KIAA1217: variants seen among roughly 807,000 people sequenced by gnomAD.
KIAA1217 encodes the protein KIAA1217.
Under a neutral mutation model 163.9 loss-of-function variants are expected in KIAA1217, and 88 were observed. The ratio of observed to expected loss-of-function variants is 0.54; its 90% confidence interval spans 0.45 to 0.64. The LOEUF is 0.64. KIAA1217 is among the 30% of genes least tolerant of loss of function. KIAA1217 has a pLI of 0.00. For synonymous variants in KIAA1217, 903 were observed against 923.1 expected (o/e 0.98, Z 0.39); for missense variants, 2,372 against 2,475.0 (o/e 0.96, Z 0.88).
At chr10:23,858,434 T>C (rs1237140812) in intron 1 of KIAA1217, among the ~76,000 whole-genome samples, 3 of 151,978 alleles carry the variant, frequency 2.0e-5, no homozygotes, top group African/African-American at 4.8e-5. Context: ...ATATATATGC[T>C]GTATATATAT....
intron 2 of KIAA1217, among the ~76,000 whole-genome samples, chr10:24,172,034 T>A (rs930791735): frequency 6.6e-6 from 1 of 152,104 alleles, no homozygotes; most frequent in African/African-American, 2.4e-5. Flanking sequence ...ACATGGCAAA[T>A]GGCTTGACAG....
chr10:24,193,331 G>A lies in KIAA1217; in HGVS notation c.-170-26295G>A, dbSNP rs191759387. Reference sequence around the variant, plus strand: ...TTATAGGAGTCCTGCGGACTTATCTGGAGAGAAAATTTGCTATGAAGCAAC... The same window carrying A: ...TTATAGGAGTCCTGCGGACTTATCTAGAGAGAAAATTTGCTATGAAGCAAC... On this transcript the variant is annotated intron_variant, in intron 2 of 18. Coordinates refer to the KIAA1217 transcript ENST00000376462. Among the ~76,000 whole-genome samples the A allele has an allele frequency of 4.6e-5, 7 of 152,306 alleles. No individual in the cohort carries two copies. In the East Asian group the frequency reaches 1.4e-3, roughly 29 times the overall value.
chr10:24,448,102 C>T (rs2061095859), intron 5 of KIAA1217, among the ~76,000 whole-genome samples: 1 of 152,068 alleles, frequency 6.6e-6, no homozygotes, highest in Non-Finnish European at 1.5e-5. Flanking sequence ...TGTACTCCAG[C>T]CTGGTGACAG....
intron 2 of KIAA1217, among the ~76,000 whole-genome samples, chr10:24,174,652 A>G (rs1005635991): frequency 1.3e-5 from 2 of 152,200 alleles, no homozygotes; most frequent in Admixed American, 6.5e-5. Flanking sequence ...AACTCAGTTT[A>G]TGGTATTTTG....
intron 1 of KIAA1217, among the ~76,000 whole-genome samples, chr10:23,764,840 T>C (rs1025511139): frequency 7.9e-5 from 12 of 152,068 alleles, no homozygotes; most frequent in African/African-American, 1.9e-4. Flanking sequence ...GGTCAATAGG[T>C]GCAGCAAACC....
intron 1 of KIAA1217, among the ~76,000 whole-genome samples, chr10:23,783,059 G>T (rs1835329835): frequency 6.6e-6 from 1 of 152,116 alleles, no homozygotes; most frequent in Admixed American, 6.5e-5. Context: ...GTGGAATTTT[G>T]TCAAATGCTT....
intron 2 of KIAA1217, among the ~76,000 whole-genome samples, chr10:24,062,257 T>G (rs1172729412): frequency 6.7e-6 from 1 of 149,358 alleles, no homozygotes; most frequent in African/African-American, 2.5e-5. Flanking sequence ...CATTTAGCAT[T>G]AGGTATATCT....
chr10:24,058,070 T>C (rs1251041858), intron 2 of KIAA1217, among the ~76,000 whole-genome samples: 2 of 152,234 alleles, frequency 1.3e-5, no homozygotes, highest in Non-Finnish European at 2.9e-5. Context: ...GAGTTGACAT[T>C]TTTGTACAGT....
intron 1 of KIAA1217, among the ~76,000 whole-genome samples, chr10:24,006,260 T>G (rs1162001105): frequency 6.6e-6 from 1 of 152,208 alleles, no homozygotes; most frequent in African/African-American, 2.4e-5. Context: ...CACATTTTAA[T>G]AGCCTGGCTA....
intron 2 of KIAA1217, among the ~76,000 whole-genome samples, chr10:24,252,878 A>G (rs1030088190): frequency 5.3e-5 from 8 of 151,898 alleles, no homozygotes; most frequent in Admixed American, 2.0e-4. Flanking sequence ...GCAGTGGCTC[A>G]TGCTTGTAAT....
At chr10:24,329,696 G>A (rs1027548737) in intron 2 of KIAA1217, among the ~76,000 whole-genome samples, 24 of 152,114 alleles carry the variant, frequency 1.6e-4, no homozygotes, top group African/African-American at 5.6e-4. Context: ...AAATATGATC[G>A]TGTAATGTAC....
At chr10:24,122,332 CT>C (rs1268414784) in intron 2 of KIAA1217, among the ~76,000 whole-genome samples, 1 of 152,140 alleles carries the variant, frequency 6.6e-6, no homozygotes, top group Admixed American at 6.5e-5. Context: ...TGCTTTCATT[CT>C]TTTTTATGGC....
At chr10:24,404,372 T>A (rs7068457) in intron 3 of KIAA1217, among the ~76,000 whole-genome samples, 3 of 151,540 alleles carry the variant, frequency 2.0e-5, no homozygotes, top group Admixed American at 1.3e-4. Flanking sequence ...ATGGAGACCC[T>A]CCTGGCCAAC....
chr10:24,117,051 G>A (rs983354964), intron 2 of KIAA1217, among the ~76,000 whole-genome samples: 3 of 147,722 alleles, frequency 2.0e-5, no homozygotes, highest in Admixed American at 1.3e-4. Flanking sequence ...TTTTTGGGTG[G>A]GGGGGGATGG....
chr10:23,920,340 C>G (rs1842807685), intron 1 of KIAA1217, among the ~76,000 whole-genome samples: 2 of 152,132 alleles, frequency 1.3e-5, no homozygotes, highest in Non-Finnish European at 2.9e-5. Context: ...CCACTTTTAG[C>G]TTCTCTGTCC....
chr10:23,872,444 T>C (rs1840498655), intron 1 of KIAA1217, among the ~76,000 whole-genome samples: 1 of 152,092 alleles, frequency 6.6e-6, no homozygotes, highest in South Asian at 2.1e-4. Flanking sequence ...GCATGCTGTT[T>C]GCATCTTGAG....
chr10:24,298,753 G>A (rs1013721012), intron 2 of KIAA1217, among the ~76,000 whole-genome samples: 2 of 151,998 alleles, frequency 1.3e-5, no homozygotes, highest in Non-Finnish European at 2.9e-5. Flanking sequence ...AGCCAAGATC[G>A]CACCACTGCA....
At chr10:24,436,483 G>T (rs1240366049) in intron 4 of KIAA1217, among the ~76,000 whole-genome samples, 1 of 151,120 alleles carries the variant, frequency 6.6e-6, no homozygotes, top group Non-Finnish European at 1.5e-5. Context: ...AAAAGGCTGG[G>T]CGCTGTGGCT....
chr10:24,000,423 C>T (rs1347878049), intron 1 of KIAA1217, among the ~76,000 whole-genome samples: 1 of 152,206 alleles, frequency 6.6e-6, no homozygotes, highest in Admixed American at 6.5e-5. Flanking sequence ...TGAAGAAGGA[C>T]AGGTTTGCTT....
Sources: allele counts gnomAD v4.1 joint callset (sites outside exome capture counted in the v4.1 genomes callset), GRCh38; gene constraint gnomAD v4.1.1; transcripts MANE v1.5; gene names NCBI Gene and HGNC (gene_info 2026-07-23, HGNC 2026-07-21).